KYAT3: variants seen among roughly 807,000 people sequenced by gnomAD.
KYAT3 encodes kynurenine--oxoglutarate transaminase 3.
KYAT3 carries 50 observed loss-of-function variants against 59.0 expected under a neutral mutation model. The ratio of observed to expected loss-of-function variants is 0.85; its 90% CI spans 0.68 to 1.07. The LOEUF (loss-of-function observed/expected upper bound fraction) is 1.07. Among genes scored for constraint, KYAT3 ranks in the 50% least tolerant of loss-of-function variants. The pLI is 0.00. For missense variants in KYAT3, 497 were observed against 533.3 expected (o/e 0.93, Z 0.67); for synonymous variants, 148 against 177.0 (o/e 0.84, Z 1.30).
intron 2 of KYAT3, among the ~76,000 whole-genome samples, chr1:88,987,166 C>T (rs1259580563): frequency 1.3e-5 from 2 of 152,154 alleles, no homozygotes; most frequent in Non-Finnish European, 2.9e-5. Flanking sequence ...AATTAGAATG[C>T]ATAATGGTGA....
downstream of KYAT3, among the ~76,000 whole-genome samples, chr1:88,931,822 C>G (rs944773511): frequency 2.8e-5 from 4 of 140,888 alleles, no homozygotes; most frequent in Non-Finnish European, 4.6e-5. Flanking sequence ...CCAGCAACAG[C>G]TACCCTCTTT....
At chr1:88,982,336 C>T (rs1677132211) in intron 2 of KYAT3, 1 of 726,720 alleles carries the variant, frequency 1.4e-6, no homozygotes, top group Non-Finnish European at 1.8e-6. Context: ...TTGCTTGCCT[C>T]ATTTACTGGG....
chr1:88,985,869 G>A (rs973625680), intron 2 of KYAT3, among the ~76,000 whole-genome samples: 1 of 152,148 alleles, frequency 6.6e-6, no homozygotes, highest in Non-Finnish European at 1.5e-5. Flanking sequence ...TGTACAAAAG[G>A]TGATACTTTC....
chr1:88,964,058 C>G (rs1374689509), intron 5 of KYAT3, among the ~76,000 whole-genome samples: 1 of 152,152 alleles, frequency 6.6e-6, no homozygotes, highest in Non-Finnish European at 1.5e-5. Context: ...CAAAAATTAG[C>G]TGGGCTTCGT....
chr1:88,959,866 A>G, intron 8 of KYAT3, among the ~76,000 whole-genome samples: 1 of 151,380 alleles, frequency 6.6e-6, no homozygotes, highest in South Asian at 2.1e-4. Flanking sequence ...ACAATGCAAC[A>G]ATTTAATATA....
intron 2 of KYAT3, among the ~76,000 whole-genome samples, chr1:88,977,422 G>A (rs1676835038): frequency 6.6e-6 from 1 of 152,154 alleles, no homozygotes; most frequent in Non-Finnish European, 1.5e-5. Context: ...GGCTGGTCTC[G>A]AACTCCTGAC....
the KYAT3 span, among the ~76,000 whole-genome samples, chr1:88,928,369 G>C: frequency 6.6e-6 from 1 of 151,112 alleles, no homozygotes; most frequent in Admixed American, 6.6e-5. Flanking sequence ...AGGAGGAACG[G>C]GACAAACGGG....
At chr1:88,931,696 A>G (rs1400481300), downstream of KYAT3, among the ~76,000 whole-genome samples, 1 of 152,022 alleles carries the variant, frequency 6.6e-6, no homozygotes, top group Admixed American at 6.6e-5. Context: ...CCAATCAGAG[A>G]GCTCAGTAAA....
chr1:88,925,288 T>C, the KYAT3 span, among the ~76,000 whole-genome samples: 2 of 152,336 alleles, frequency 1.3e-5, no homozygotes, highest in South Asian at 2.1e-4. Context: ...CAGTCGCCCA[T>C]GCGTGTGCCC....
At chr1:88,983,216 T>A in intron 2 of KYAT3, 3 of 1,613,074 alleles carry the variant, frequency 1.9e-6, no homozygotes, top group Non-Finnish European at 2.5e-6. Context: ...CAAATAAACA[T>A]CTCTACGAGA....
chr1:88,984,141 T>TA (rs1221171329), intron 2 of KYAT3: 5 of 288,552 alleles, frequency 1.7e-5, no homozygotes, highest in Non-Finnish European at 2.7e-5. Context: ...TAAAGATACA[T>TA]AAAAAATGCA....
At chr1:88,974,469 C>CTT (rs71084932) in intron 2 of KYAT3, among the ~76,000 whole-genome samples, 1,498 of 69,666 alleles carry the variant, frequency 0.022, 27 homozygotes, top group Middle Eastern at 0.079. Context: ...GTGTCTCTCT[C>CTT]TTTTTTTTTT....
At chr1:88,961,742 TAA>T (rs1200037435) in intron 6 of KYAT3, among the ~76,000 whole-genome samples, 1 of 152,164 alleles carries the variant, frequency 6.6e-6, no homozygotes, top group Non-Finnish European at 1.5e-5. Flanking sequence ...TAAGAAAACC[TAA>T]GTCTTATGCT....
At chr1:88,986,814 C>T (rs1015862757) in intron 2 of KYAT3, among the ~76,000 whole-genome samples, 1 of 152,152 alleles carries the variant, frequency 6.6e-6, no homozygotes, top group Non-Finnish European at 1.5e-5. Context: ...TTGATTTAAA[C>T]TTATCACTAT....
intron 2 of KYAT3, among the ~76,000 whole-genome samples, chr1:88,976,530 TAAC>T (rs1461779790): frequency 6.6e-6 from 1 of 152,264 alleles, no homozygotes; most frequent in Non-Finnish European, 1.5e-5. Context: ...CTTGATATGA[TAAC>T]AAGCAACTAT....
rs1275151333 is a variant in KYAT3 at position 88,936,081 on chromosome 1, C to A, written c.*102G>T. On this transcript the variant is annotated 3_prime_UTR_variant, in exon 14 of 14. Transcript: ENST00000260508. Reference sequence around the variant, plus strand: ...GAAAAACAATGGAAATATTTAAATTCCAGTTGTACTGAAATACCTTTTAAC... The same window carrying A: ...GAAAAACAATGGAAATATTTAAATTACAGTTGTACTGAAATACCTTTTAAC... 27 of 744,216 alleles carry A rather than the reference C, an allele frequency of 3.6e-5. No individual in the cohort carries two copies. The highest frequency in any genetic ancestry group is 5.5e-5 in the Non-Finnish European group (25 of 451,736). The allele number at this position is 744,216 out of a possible 1,614,324, so 46.1% of individuals were successfully genotyped here. A position where few individuals can be genotyped will look rare whatever the true frequency, so the allele number is the denominator to read the frequency against.
rs1676473428 is a variant in KYAT3 at position 88,969,648 on chromosome 1, G to A, written c.100-181C>T. Among the ~76,000 whole-genome samples, 3 of 150,932 alleles carry A rather than the reference G, an allele frequency of 2.0e-5. No individual in the cohort carries two copies. The South Asian group carries it at 6.2e-4, about 31-fold the overall frequency. On this transcript the variant is annotated intron_variant, in intron 2 of 13. Transcript: ENST00000260508. The stretch of plus-strand genomic sequence containing the variant: ...AATTCATCTCCCACCTACTACTGAA[G>A]GAATGCCTTTTTTTTTTTTCTCAGA...
At chr1:88,976,254 G>T (rs1363372335) in intron 2 of KYAT3, among the ~76,000 whole-genome samples, 1 of 150,932 alleles carries the variant, frequency 6.6e-6, no homozygotes, top group Non-Finnish European at 1.5e-5. Context: ...CTACTCCGGA[G>T]GCTGAGGCAG....
intron 2 of KYAT3, chr1:88,979,544 T>A (rs776896611): frequency 1.3e-5 from 2 of 152,126 alleles, no homozygotes; most frequent in African/African-American, 2.4e-5. Flanking sequence ...GGCAAAAGAT[T>A]TGACAGCCAC....
Sources: gnomAD v4.1 joint callset for allele counts (sites outside exome capture counted in the v4.1 genomes callset) on GRCh38, gnomAD v4.1.1 for gene constraint, MANE v1.5 for transcripts, NCBI Gene and HGNC (gene_info 2026-07-23, HGNC 2026-07-21) for gene names.